SPART: variants seen among roughly 807,000 people sequenced by gnomAD.
SPART encodes the protein spartin.
In SPART, 35 loss-of-function variants were observed where a neutral mutation model predicts 58.7. The observed-to-expected ratio is 0.60, with a 90% CI of 0.46 to 0.79. The LOEUF is 0.79. Among genes scored for constraint, SPART ranks in the 30% least tolerant of loss-of-function variants. The pLI, the probability that SPART is intolerant of heterozygous loss-of-function variation, is 0.00. For synonymous variants in SPART, 284 were observed against 280.7 expected, an observed-to-expected ratio of 1.01 and a Z score of -0.12; for missense variants, 730 against 786.1, an observed-to-expected ratio of 0.93 and a Z score of 0.85.
rs1051331527 is a variant in SPART, at chr13:36,302,680, G to A, written c.*1685C>T. 2 of 152,044 alleles carry A rather than the reference G, an allele frequency of 1.3e-5. No individual in the cohort carries two copies. The highest frequency in any genetic ancestry group is 1.9e-4 in the East Asian group (1 of 5,190). The allele number at this position is 152,044 out of a possible 1,614,324, so 9.4% of individuals were successfully genotyped here. A position where few individuals can be genotyped will look rare whatever the true frequency, so the allele number is the denominator to read the frequency against. On this transcript the variant is annotated 3_prime_UTR_variant, in exon 9 of 9. Transcript: ENST00000438666. ...ATGAGATATTTTGATACAGGTATGC[G>A]ATTTATAATAATTACATCAGGGTGT...
rs1409829238 is a variant in SPART at position 36,314,207 on chromosome 13, G to A, written c.1483+20C>T. 1 of 1,610,986 alleles carries A rather than the reference G, an allele frequency of 6.2e-7. No individual in the cohort carries two copies. Among genetic ancestry groups the A allele is most frequent in the Admixed American group, 1.7e-5 (1 of 60,000 alleles). On this transcript the variant is annotated intron_variant, in intron 6 of 8. Coordinates refer to ENST00000438666, the MANE Select transcript of SPART (RefSeq NM_015087.5). Reference sequence around the variant, plus strand: ...TTTAAATATAACTTTAAAAAGTAAAGTTATCTAGAATTACTTTACCCAGGA... The same window carrying A: ...TTTAAATATAACTTTAAAAAGTAAAATTATCTAGAATTACTTTACCCAGGA...
chr13:36,360,806 A>T (rs1194344693), intron 1 of SPART: 1 of 152,606 alleles, frequency 6.6e-6, no homozygotes, highest in Non-Finnish European at 1.5e-5. Context: ...CAATATTTAT[A>T]TTGCTATGTT....
chr13:36,332,167 G>C (rs1376758240), intron 2 of SPART, among the ~76,000 whole-genome samples: 1 of 152,160 alleles, frequency 6.6e-6, no homozygotes, highest in Admixed American at 6.6e-5. Flanking sequence ...GTCTGGACCA[G>C]AGAAGCTGAA....
rs1431729342 is a variant in SPART, at chr13:36,312,238, G to A, written c.1643-3C>T. 1 of 1,614,024 alleles carries A rather than the reference G, an allele frequency of 6.2e-7. No homozygotes were observed. On this transcript the variant is annotated splice_polypyrimidine_tract_variant and splice_region_variant and intron_variant, in intron 7 of 8. Coordinates refer to ENST00000438666, the MANE Select transcript of SPART (RefSeq NM_015087.5). ...TCCTTGCCAGACAGTTGAAAATCCTGTAAAAATAATATTTAAAACGATGTA... is the reference window on the plus strand; with the variant it reads ...TCCTTGCCAGACAGTTGAAAATCCTATAAAAATAATATTTAAAACGATGTA...
At chr13:36,346,872 A>C (rs528240487), upstream of SPART, 1 of 152,382 alleles carries the variant, frequency 6.6e-6, no homozygotes, top group East Asian at 1.9e-4. Flanking sequence ...TGCACGAGAG[A>C]CAATAAAGGC....
intron 4 of SPART, among the ~76,000 whole-genome samples, chr13:36,328,344 A>G (rs1883153004): frequency 6.6e-6 from 1 of 152,196 alleles, no homozygotes; most frequent in Non-Finnish European, 1.5e-5. Context: ...TACTCAAGAC[A>G]ATGCTGTTTT....
chr13:36,348,655 T>C (rs1331373041), upstream of SPART, among the ~76,000 whole-genome samples: 1 of 152,176 alleles, frequency 6.6e-6, no homozygotes, highest in Non-Finnish European at 1.5e-5. Flanking sequence ...AGTGCAAGAC[T>C]TGTATGCTGA....
chr13:36,305,006 T>C (rs1880368840), intron 8 of SPART, among the ~76,000 whole-genome samples: 1 of 152,204 alleles, frequency 6.6e-6, no homozygotes, highest in Admixed American at 6.5e-5. Flanking sequence ...GCAACTAATC[T>C]AGAGTCACGT....
chr13:36,345,296 G>A (rs1884979263), intron 1 of SPART, among the ~76,000 whole-genome samples: 1 of 152,112 alleles, frequency 6.6e-6, no homozygotes, highest in South Asian at 2.1e-4. Flanking sequence ...ATTACAGAAA[G>A]GCTTCCTGTT....
chr13:36,362,243 C>A (rs979509366), intron 1 of SPART, among the ~76,000 whole-genome samples: 2 of 151,314 alleles, frequency 1.3e-5, no homozygotes, highest in Non-Finnish European at 1.5e-5. Flanking sequence ...CCCAGCTATT[C>A]AGGAGGCTGA....
At position 36,304,126 on chromosome 13, in the gene SPART, C is replaced by T. The variant is rs1880245734; in HGVS notation, c.*239G>A. ...TATTTTACCTGCAAAAATATTTTAG[C>T]TACACTTGGAAAAAAATAAACTTGA... is the stretch of plus-strand genomic sequence containing the variant. On this transcript the variant is annotated 3_prime_UTR_variant, in exon 9 of 9. Transcript: ENST00000438666. 1 of 564,012 alleles carries T rather than the reference C, an allele frequency of 1.8e-6. No individual in the cohort carries two copies. Among genetic ancestry groups the T allele is most frequent in the Non-Finnish European group, 3.1e-6 (1 of 321,112 alleles). 34.9% of individuals were successfully genotyped at this position (564,012 alleles called of 1,614,324 possible).
Position 36,311,811 on chromosome 13 carries a change from G to C in SPART, c.1733+334C>G, listed in dbSNP as rs143113573. On this transcript the variant is annotated intron_variant, in intron 8 of 8. Transcript: ENST00000438666. ...ATGCTACAAGAGATTTAGTCCGCCA[G>C]GCATGGTGGCTTACGCCTGTAATCC... 9.5e-4 allele frequency among the ~76,000 whole-genome samples: 145 copies of C among 152,316 alleles called. 1 individual carries two copies. The East Asian group carries it at 0.019, about 20-fold the overall frequency.
At chr13:36,356,484 A>G (rs780364301) in intron 1 of SPART, among the ~76,000 whole-genome samples, 2 of 152,200 alleles carry the variant, frequency 1.3e-5, no homozygotes, top group Non-Finnish European at 2.9e-5. Context: ...GGTCTCCACA[A>G]TCCTTTGTCT....
At chr13:36,364,915 A>G (rs546658044) in intron 1 of SPART, among the ~76,000 whole-genome samples, 1 of 152,172 alleles carries the variant, frequency 6.6e-6, no homozygotes, top group Admixed American at 6.5e-5. Flanking sequence ...CTCCACACTG[A>G]CCCCAGAGGG....
At chr13:36,338,886 A>G (rs1884283357) in intron 1 of SPART, among the ~76,000 whole-genome samples, 1 of 152,152 alleles carries the variant, frequency 6.6e-6, no homozygotes, top group South Asian at 2.1e-4. Flanking sequence ...AAACTGTCCA[A>G]GCAATTCACC....
rs1457920567 is a variant in SPART, at chr13:36,324,164, T to C, written c.1288+2411A>G. ...TCTTGACATTCTTCCCAGAGGGAAG[T>C]GGGGTCTATGTCACATTCCTTGCAT... On this transcript the variant is annotated intron_variant, in intron 5 of 8. Transcript: ENST00000438666. 2.0e-5 allele frequency among the ~76,000 whole-genome samples: 3 copies of C among 152,210 alleles called. No homozygotes were observed. In the South Asian group the frequency reaches 6.2e-4, roughly 31 times the overall value.
intron 5 of SPART, among the ~76,000 whole-genome samples, chr13:36,318,252 C>G (rs967960333): frequency 5.3e-5 from 8 of 152,170 alleles, no homozygotes; most frequent in African/African-American, 1.2e-4. Context: ...AGCCCTCCCC[C>G]TCCTGCCCAG....
Position 36,304,597 on chromosome 13 carries a change from G to C in SPART, c.1769C>G (p.Ala590Gly). The change falls in exon 9 of 9, where the codon GCG (alanine) becomes GGG (glycine). Residue 590 changes from alanine to glycine, a missense_variant. Coordinates refer to ENST00000438666, the MANE Select transcript of SPART (RefSeq NM_015087.5). ...GCCAACATTGACCGCAGAATCCACC[G>C]CATGGTGGGTAGCTTCTCCTGCATT... Reference protein sequence around the residue: ...GYNAGEATHHAVDSAVNVGVT... With the variant: ...GYNAGEATHHGVDSAVNVGVT... The C allele has an allele frequency of 1.9e-6, 3 of 1,613,970 alleles. No individual in the cohort carries two copies. Among genetic ancestry groups the C allele is most frequent in the Non-Finnish European group, 2.5e-6 (3 of 1,179,916 alleles).
chr13:36,329,412 A>G lies in SPART; in HGVS notation c.1114T>C (p.Leu372=), dbSNP rs1178519174. The G allele has an allele frequency of 7.4e-6, 12 of 1,614,004 alleles. No homozygotes were observed. The highest frequency in any genetic ancestry group is 1.7e-5 in the Admixed American group (1 of 60,000). Residue 372 remains leucine, a synonymous_variant, in exon 4 of 9, where the codon TTG becomes CTG. Coordinates refer to ENST00000438666, the MANE Select transcript of SPART (RefSeq NM_015087.5). The part of the protein sequence containing the change: ...KEASGTDVKQ[L]DQGNKDVRHK... ...CGTACATCCTTATTGCCTTGGTCCAACTGTTTCACATCAGTGCCAGAGGCT... is the reference window on the plus strand; with the variant it reads ...CGTACATCCTTATTGCCTTGGTCCAGCTGTTTCACATCAGTGCCAGAGGCT...
Sources: allele counts gnomAD v4.1 joint callset (sites outside exome capture counted in the v4.1 genomes callset), GRCh38; gene constraint gnomAD v4.1.1; transcripts MANE v1.5; gene names NCBI Gene and HGNC (gene_info 2026-07-23, HGNC 2026-07-21).